The following NCOA2 variants were observed in gnomAD, a reference collection of about 807,000 sequenced individuals.
The protein encoded by NCOA2 is class E basic helix-loop-helix protein 75.
In NCOA2, 21 loss-of-function variants were observed where a neutral mutation model predicts 145.1. That is an observed-to-expected ratio of 0.14 (90% CI 0.10 to 0.21). The LOEUF (loss-of-function observed/expected upper bound fraction) is 0.21, where lower values mean the gene tolerates loss of function less well. Among genes scored for constraint, NCOA2 ranks in the 10% least tolerant of loss-of-function variants. The pLI, the probability that NCOA2 is intolerant of heterozygous loss-of-function variation, is 1.00. For missense variants in NCOA2, 1,472 were observed against 1,837.6 expected (o/e 0.80, Z 3.64); for synonymous variants, 619 against 637.5 (o/e 0.97, Z 0.44).
In NCOA2 at chr8:70,206,862, T is replaced by C. The variant is rs1818494092; in HGVS notation, c.259+7041A>G. 2.6e-5 allele frequency among the ~76,000 whole-genome samples: 4 copies of C among 152,348 alleles called. No homozygotes were observed. The South Asian group carries it at 8.3e-4, about 32-fold the overall frequency. Reference sequence around the variant, plus strand: ...TCCTCACGCCCAGCCCCGACTTTTTTACCTATTAAAATCTTACTTTTACAG... The same window carrying C: ...TCCTCACGCCCAGCCCCGACTTTTTCACCTATTAAAATCTTACTTTTACAG... On this transcript the variant is annotated intron_variant, in intron 4 of 22. Coordinates refer to ENST00000452400, the MANE Select transcript of NCOA2 (RefSeq NM_006540.4).
At chr8:70,342,060 T>A (rs1808189719) in intron 1 of NCOA2, among the ~76,000 whole-genome samples, 1 of 152,224 alleles carries the variant, frequency 6.6e-6, no homozygotes. Context: ...TTTTTAAAAT[T>A]TGTTATCTGT....
intron 4 of NCOA2, among the ~76,000 whole-genome samples, chr8:70,191,708 T>C (rs1816702060): frequency 6.6e-6 from 1 of 151,822 alleles, no homozygotes; most frequent in Admixed American, 6.6e-5. Flanking sequence ...CCCATGAGAA[T>C]CTCCTGTGAG....
At chr8:70,397,488 C>G (rs1253771557) in intron 1 of NCOA2, among the ~76,000 whole-genome samples, 6 of 148,776 alleles carry the variant, frequency 4.0e-5, no homozygotes, top group Admixed American at 4.0e-4. Flanking sequence ...AGAGCAAGAA[C>G]AAGCTACATC....
chr8:70,247,234 C>A (rs1822708367), intron 2 of NCOA2, among the ~76,000 whole-genome samples: 2 of 151,938 alleles, frequency 1.3e-5, no homozygotes, highest in South Asian at 4.2e-4. Context: ...ACATAAGTTT[C>A]CATAAAGACC....
intron 4 of NCOA2, among the ~76,000 whole-genome samples, chr8:70,202,756 G>A (rs1563613512): frequency 6.6e-6 from 1 of 152,134 alleles, no homozygotes; most frequent in Non-Finnish European, 1.5e-5. Context: ...GAGATCCACT[G>A]TACAACAATG....
At chr8:70,454,513 T>C in the NCOA2 span, among the ~76,000 whole-genome samples, 1 of 152,202 alleles carries the variant, frequency 6.6e-6, no homozygotes, top group Non-Finnish European at 1.5e-5. Flanking sequence ...ATCTCAAAGG[T>C]AGTACAAGTA....
chr8:70,159,031 T>G (rs1361830250), intron 10 of NCOA2, among the ~76,000 whole-genome samples: 1 of 151,340 alleles, frequency 6.6e-6, no homozygotes, highest in Non-Finnish European at 1.5e-5. Context: ...GGGGACTGGT[T>G]CTAGCCTCCA....
At chr8:70,248,663 G>A (rs1297588901) in intron 2 of NCOA2, among the ~76,000 whole-genome samples, 6 of 151,926 alleles carry the variant, frequency 3.9e-5, no homozygotes, top group South Asian at 2.1e-4. Flanking sequence ...TCATATACAC[G>A]AAATCATCTC....
intron 1 of NCOA2, among the ~76,000 whole-genome samples, chr8:70,379,592 AC>A (rs1433159430): frequency 9.2e-5 from 14 of 152,176 alleles, no homozygotes; most frequent in African/African-American, 3.4e-4. Flanking sequence ...TTTATCAAAG[AC>A]AGTATCTGGG....
chr8:70,422,578 T>G, the NCOA2 span, among the ~76,000 whole-genome samples: 1 of 151,988 alleles, frequency 6.6e-6, no homozygotes, highest in South Asian at 2.1e-4. Context: ...ACCCAGCTAA[T>G]TTTCGTGTTT....
At position 70,214,614 on chromosome 8, in the gene NCOA2, T is replaced by C. The variant is rs112269388; in HGVS notation, c.87-539A>G. Among the ~76,000 whole-genome samples, 1,252 of 152,026 alleles carry C rather than the reference T, an allele frequency of 8.2e-3. 18 individuals carry two copies. The highest frequency in any genetic ancestry group is 0.029 in the African/African-American group (1,185 of 41,494). ...CAGCCTTTTTAGGTAATGCAAAAAG[T>C]CACAATACAGCTAGAAACAAAAGCG... is the stretch of plus-strand genomic sequence containing the variant. On this transcript the variant is annotated intron_variant, in intron 3 of 22. Transcript: ENST00000452400.
chr8:70,359,093 G>A (rs1809988806), intron 1 of NCOA2, among the ~76,000 whole-genome samples: 8 of 152,210 alleles, frequency 5.3e-5, no homozygotes, highest in Admixed American at 5.2e-4. Flanking sequence ...AACAAGTGTT[G>A]GTGAGGATGT....
chr8:70,337,234 G>A (rs915590719), intron 1 of NCOA2, among the ~76,000 whole-genome samples: 6 of 145,494 alleles, frequency 4.1e-5, no homozygotes, highest in Non-Finnish European at 8.8e-5. Flanking sequence ...TGTGTGTGGT[G>A]TAACACAGCT....
chr8:70,244,195 C>G (rs887127880), intron 2 of NCOA2, among the ~76,000 whole-genome samples: 9 of 152,210 alleles, frequency 5.9e-5, no homozygotes, highest in Admixed American at 3.9e-4. Flanking sequence ...AACATACATA[C>G]ACTTCAGCCC....
intron 4 of NCOA2, among the ~76,000 whole-genome samples, chr8:70,205,617 A>G (rs1393667663): frequency 6.6e-6 from 1 of 152,046 alleles, no homozygotes. Flanking sequence ...AAAAAAAAAG[A>G]GGCATTCCCA....
intron 2 of NCOA2, among the ~76,000 whole-genome samples, chr8:70,254,527 T>A (rs1823472280): frequency 6.6e-6 from 1 of 152,168 alleles, no homozygotes; most frequent in African/African-American, 2.4e-5. Context: ...TATTCAGCCA[T>A]GAAAAAGAAA....
chr8:70,303,858 A>G (rs1328162437), intron 1 of NCOA2, among the ~76,000 whole-genome samples: 2 of 152,126 alleles, frequency 1.3e-5, no homozygotes, highest in African/African-American at 4.8e-5. Flanking sequence ...AGGCTCAGGG[A>G]TAGTTCCCCA....
chr8:70,303,076 G>C (rs565603401), intron 1 of NCOA2, among the ~76,000 whole-genome samples: 1 of 152,266 alleles, frequency 6.6e-6, no homozygotes, highest in South Asian at 2.1e-4. Flanking sequence ...CTTGCCCAGA[G>C]ATAGACCTAG....
At chr8:70,416,921 G>A in the NCOA2 span, among the ~76,000 whole-genome samples, 2 of 152,258 alleles carry the variant, frequency 1.3e-5, no homozygotes, top group African/African-American at 2.4e-5. Context: ...CACAGCAGAT[G>A]TTAAGTTGAT....
Sources: gnomAD v4.1 joint callset for allele counts (sites outside exome capture counted in the v4.1 genomes callset) on GRCh38, gnomAD v4.1.1 for gene constraint, MANE v1.5 for transcripts, NCBI Gene and HGNC (gene_info 2026-07-23, HGNC 2026-07-21) for gene names.